CSMD1: variants seen among roughly 807,000 people sequenced by gnomAD.
CSMD1 encodes the protein CUB and Sushi multiple domains 1.
In CSMD1, 213 loss-of-function variants were observed where a neutral mutation model predicts 417.5. The observed-to-expected ratio is 0.51, with a 90% CI of 0.46 to 0.57. The LOEUF (loss-of-function observed/expected upper bound fraction) is 0.57, where lower values mean the gene tolerates loss of function less well. Ranked by LOEUF, CSMD1 falls within the 20% of genes least tolerant of loss-of-function variation. CSMD1 has a pLI of 0.00. For synonymous variants in CSMD1, 2,862 were observed against 1,736.8 expected (o/e 1.65, Z -16.11); for missense variants, 6,923 against 4,529.7 (o/e 1.53, Z -15.17).
rs566554473 is a variant in CSMD1, at chr8:3,438,188, G to C, written c.1562-28583C>G. ...TTTTTAACAAATTTTTGAATTTTGA[G>C]ATAATTATAGATCCATATGCAGTTG... On this transcript the variant is annotated intron_variant, in intron 12 of 69. Transcript: ENST00000635120. Among the ~76,000 whole-genome samples, 11 of 152,266 alleles carry C rather than the reference G, an allele frequency of 7.2e-5. 1 individual carries two copies. The South Asian group carries it at 2.1e-3, about 29-fold the overall frequency.
At chr8:3,038,330 A>T (rs76716940) in intron 50 of CSMD1, among the ~76,000 whole-genome samples, 6,995 of 152,290 alleles carry the variant, frequency 0.046, 560 homozygotes, top group African/African-American at 0.16. Context: ...TTTTAATTAC[A>T]TAAAATGAGT....
chr8:3,467,609 G>C (rs903465322), intron 12 of CSMD1, among the ~76,000 whole-genome samples: 2 of 152,188 alleles, frequency 1.3e-5, no homozygotes, highest in African/African-American at 2.4e-5. Flanking sequence ...TCAGCAAGGA[G>C]GGACCCTATT....
At chr8:3,304,671 AAG>A (rs1393132036) in intron 25 of CSMD1, among the ~76,000 whole-genome samples, 1 of 152,100 alleles carries the variant, frequency 6.6e-6, no homozygotes. Flanking sequence ...AAAATTTTTC[AAG>A]GTCAGTTCAT....
chr8:4,821,627 G>C (rs1015319780), intron 1 of CSMD1, among the ~76,000 whole-genome samples: 4 of 151,990 alleles, frequency 2.6e-5, no homozygotes, highest in Non-Finnish European at 4.4e-5. Context: ...GAAAAATAGG[G>C]AAGTTTACTT....
At chr8:4,057,687 A>G (rs1563066391) in intron 3 of CSMD1, among the ~76,000 whole-genome samples, 1 of 151,668 alleles carries the variant, frequency 6.6e-6, no homozygotes, top group Admixed American at 6.6e-5. Context: ...TAAGTCTTTA[A>G]TCTATCTTGA....
rs750477489 is a variant in CSMD1 at position 3,230,091 on chromosome 8, C to A, written c.4294G>T (p.Val1432Leu). The A allele has an allele frequency of 1.2e-6, 2 of 1,613,310 alleles. No homozygotes were observed. Among genetic ancestry groups the A allele is most frequent in the Non-Finnish European group, 1.7e-6 (2 of 1,179,536 alleles). ...QLQGQAKITCVQLNNRFFWQP... is the reference protein window; with the variant it reads ...QLQGQAKITCLQLNNRFFWQP... The stretch of plus-strand genomic sequence containing the variant: ...CAAAAGAACCGGTTATTCAGCTGCA[C>A]ACAGGTGATTTTGGCTTGTCCTTGG... The change falls in exon 27 of 70, where the codon GTG becomes TTG. Residue 1432 changes from valine to leucine, a missense_variant. By Grantham distance (32) the Val-to-Leu change is conservative (BLOSUM62 1). Coordinates refer to ENST00000635120, the MANE Select transcript of CSMD1 (RefSeq NM_033225.6).
chr8:3,448,335 GGGAGGGAGGGAGGAAGGAAGAAGGAA>G (rs1815444463), intron 12 of CSMD1, among the ~76,000 whole-genome samples: 1 of 63,928 alleles, frequency 1.6e-5, no homozygotes, highest in Non-Finnish European at 3.2e-5. Context: ...GAGCAAGGGA[GGGAGGGAGGGAGGAAGGAAGAAGGAA>G]GAAGGGAGGA....
chr8:4,769,422 G>A (rs1356863013), intron 1 of CSMD1, among the ~76,000 whole-genome samples: 1 of 151,870 alleles, frequency 6.6e-6, no homozygotes. Flanking sequence ...TGGCATTTTG[G>A]GAAAACTTTA....
chr8:3,983,349 C>T (rs1167454369), intron 5 of CSMD1, among the ~76,000 whole-genome samples: 2 of 152,026 alleles, frequency 1.3e-5, no homozygotes, highest in African/African-American at 4.8e-5. Flanking sequence ...CCAGGATGGT[C>T]TCCATCTCCT....
chr8:4,587,676 G>A (rs1395113043), intron 2 of CSMD1, among the ~76,000 whole-genome samples: 2 of 152,062 alleles, frequency 1.3e-5, no homozygotes, highest in Non-Finnish European at 2.9e-5. Context: ...TATGAACTAT[G>A]CCTTCACTAG....
At chr8:3,544,525 AC>A (rs1249812815) in intron 10 of CSMD1, among the ~76,000 whole-genome samples, 3 of 152,048 alleles carry the variant, frequency 2.0e-5, no homozygotes, top group Non-Finnish European at 2.9e-5. Context: ...TTGCTTTTGC[AC>A]TGTGGACTCG....
intron 2 of CSMD1, among the ~76,000 whole-genome samples, chr8:4,462,283 A>T (rs1197695223): frequency 6.6e-6 from 1 of 152,340 alleles, no homozygotes; most frequent in African/African-American, 2.4e-5. Context: ...AATTAGGAAT[A>T]AATTTAACAA....
chr8:4,566,776 T>C (rs530551377), intron 2 of CSMD1, among the ~76,000 whole-genome samples: 10 of 152,142 alleles, frequency 6.6e-5, no homozygotes, highest in Non-Finnish European at 1.2e-4. Context: ...TTTATTTTAA[T>C]GAATAAAATC....
intron 10 of CSMD1, among the ~76,000 whole-genome samples, chr8:3,537,949 T>C (rs1024453415): frequency 6.6e-6 from 1 of 152,226 alleles, no homozygotes; most frequent in African/African-American, 2.4e-5. Context: ...TTAAAGTTGT[T>C]TATTCACTCA....
intron 3 of CSMD1, among the ~76,000 whole-genome samples, chr8:4,342,205 C>CTGTGTGTGTGTGTGTGTG (rs58235838): frequency 6.6e-6 from 1 of 150,576 alleles, no homozygotes; most frequent in Non-Finnish European, 1.5e-5. Flanking sequence ...AGTGCTGTGT[C>CTGTGTGTGTGTGTGTGTG]TGTGTGTGTG....
intron 3 of CSMD1, among the ~76,000 whole-genome samples, chr8:4,184,045 C>T (rs928927395): frequency 6.6e-6 from 1 of 152,170 alleles, no homozygotes; most frequent in East Asian, 1.9e-4. Flanking sequence ...ATGGCAAATT[C>T]TGTTATTATC....
At chr8:3,531,499 C>G (rs79250981) in intron 10 of CSMD1, among the ~76,000 whole-genome samples, 1 of 152,004 alleles carries the variant, frequency 6.6e-6, no homozygotes, top group Non-Finnish European at 1.5e-5. Context: ...TATTGAAATG[C>G]CCCAGGGTAG....
At chr8:3,708,259 G>A (rs953131152) in intron 7 of CSMD1, among the ~76,000 whole-genome samples, 155 bp downstream of exon 7, 1 of 152,174 alleles carries the variant, frequency 6.6e-6, no homozygotes. Context: ...TGAAGTTAGT[G>A]CATGTTCTTT....
chr8:3,782,603 A>G (rs1799241898), intron 5 of CSMD1, among the ~76,000 whole-genome samples: 1 of 152,168 alleles, frequency 6.6e-6, no homozygotes, highest in African/African-American at 2.4e-5. Context: ...TATGTAACAA[A>G]CCTGCACGTT....
Sources: gnomAD v4.1 joint callset for allele counts (sites outside exome capture counted in the v4.1 genomes callset) on GRCh38, gnomAD v4.1.1 for gene constraint, MANE v1.5 for transcripts, NCBI Gene and HGNC (gene_info 2026-07-23, HGNC 2026-07-21) for gene names.